NGB: variants seen among roughly 807,000 people sequenced by gnomAD.
NGB encodes the protein nitrite reductase.
A neutral mutation model predicts 17.3 loss-of-function variants in NGB; 12 were observed. The observed-to-expected ratio is 0.69, with a 90% CI of 0.45 to 1.13. The LOEUF is 1.13. NGB is among the 50% of genes most tolerant of loss of function. The pLI is 0.00. For synonymous variants in NGB, 87 were observed against 81.0 expected (o/e 1.07, Z -0.40); for missense variants, 195 against 191.7 (o/e 1.02, Z -0.10).
At position 77,266,238 on chromosome 14, in the gene NGB, C is replaced by A. The variant is rs774008120; in HGVS notation, c.*298G>T. The A allele has an allele frequency of 3.3e-6, 2 of 615,374 alleles. No homozygotes were observed. Among genetic ancestry groups the A allele is most frequent in the East Asian group, 7.9e-5 (2 of 25,206 alleles). The allele number at this position is 615,374 out of a possible 1,614,324, so 38.1% of individuals were successfully genotyped here. Reference sequence around the variant, plus strand: ...TCCATACCTTTCCAGCTCATCCCACCTCTGCCACCAAAACACTCATCGCGG... The same window carrying A: ...TCCATACCTTTCCAGCTCATCCCACATCTGCCACCAAAACACTCATCGCGG... On this transcript the variant is annotated 3_prime_UTR_variant, in exon 4 of 4. Coordinates refer to ENST00000298352, the MANE Select transcript of NGB (RefSeq NM_021257.4).
rs1889671022 is a variant in NGB at position 77,266,447 on chromosome 14, T to C, written c.*89A>G. 2 of 1,548,592 alleles carry C rather than the reference T, an allele frequency of 1.3e-6. No homozygotes were observed. Among genetic ancestry groups the C allele is most frequent in the East Asian group, 2.3e-5 (1 of 44,280 alleles). On this transcript the variant is annotated 3_prime_UTR_variant, in exon 4 of 4. Coordinates refer to ENST00000298352, the MANE Select transcript of NGB (RefSeq NM_021257.4). ...GTGGCCAAGGGGACAAGGACCAAGA[T>C]GCAGGGAAGCTTGGGGAGCCTGGGC... is the stretch of plus-strand genomic sequence containing the variant.
At chr14:77,270,353 T>C (rs1889754264) in intron 1 of NGB, among the ~76,000 whole-genome samples, 1 of 151,884 alleles carries the variant, frequency 6.6e-6, no homozygotes, top group South Asian at 2.1e-4. Context: ...AAGGTTTGTC[T>C]TGTTGGTTGT....
chr14:77,270,616 G>C (rs1454568714), intron 1 of NGB, among the ~76,000 whole-genome samples: 1 of 152,208 alleles, frequency 6.6e-6, no homozygotes, highest in Non-Finnish European at 1.5e-5. Flanking sequence ...GGTGAGCCCC[G>C]CTGGGAGAGT....
chr14:77,268,381 G>C (rs112373626), intron 3 of NGB, 85 bp downstream of exon 3: 44 of 1,436,966 alleles, frequency 3.1e-5, no homozygotes, highest in African/African-American at 2.0e-4. Flanking sequence ...GAATGGGAGA[G>C]AGAACAGGTG....
Position 77,266,602 on chromosome 14 carries a change from C to T in NGB, c.390G>A (p.Arg130=), listed in dbSNP as rs2140141881. The T allele has an allele frequency of 6.2e-7, 1 of 1,614,196 alleles. No individual in the cohort carries two copies. Among genetic ancestry groups the T allele is most frequent in the Non-Finnish European group, 8.5e-7 (1 of 1,180,044 alleles). ...CCCCGTAGAGTTGGCTCCAGGCAGC[C>T]CGTGTGGCTGGTGTGAAGGCAGGGC... ...CLGPAFTPAT[R]AAWSQLYGAV... The change falls in exon 4 of 4, where the codon CGG becomes CGA. Residue 130 remains arginine, a synonymous_variant. Transcript: ENST00000298352.
chr14:77,270,181 G>C (rs965209498), intron 1 of NGB, among the ~76,000 whole-genome samples: 1 of 152,110 alleles, frequency 6.6e-6, no homozygotes, highest in African/African-American at 2.4e-5. Flanking sequence ...GGGAAGCAGT[G>C]CCCGGTTGGT....
In NGB at chr14:77,271,062, GC is replaced by G. The variant is rs918843304; in HGVS notation, c.-126del. On this transcript the variant is annotated 5_prime_UTR_variant, in exon 1 of 4. Coordinates refer to ENST00000298352, the MANE Select transcript of NGB (RefSeq NM_021257.4). Reference sequence around the variant, plus strand: ...CCCCTCGTACGCCCCCCGTGCCTCCGCCCGGCGGGGGCCGCAGCCGCTCCTT... The same window carrying G: ...CCCCTCGTACGCCCCCCGTGCCTCCGCCGGCGGGGGCCGCAGCCGCTCCTT... 4.5e-6 allele frequency: 3 copies of G among 660,180 alleles called. No homozygotes were observed. The highest frequency in any genetic ancestry group is 6.8e-5 in the East Asian group (2 of 29,276). The allele number at this position is 660,180 out of a possible 1,614,324, so 40.9% of individuals were successfully genotyped here.
In NGB at chr14:77,266,492, C is replaced by G; in HGVS notation, c.*44G>C. 1 of 1,592,774 alleles carries G rather than the reference C, an allele frequency of 6.3e-7. No homozygotes were observed. On this transcript the variant is annotated 3_prime_UTR_variant, in exon 4 of 4. Coordinates refer to ENST00000298352, the MANE Select transcript of NGB (RefSeq NM_021257.4). ...CTGGGCTACAACAGATACAGGCCAA[C>G]AGACAGACACAGATGGATGGGGGCT... is the stretch of plus-strand genomic sequence containing the variant.
In NGB at chr14:77,270,265, C is replaced by A. The variant is rs779212873; in HGVS notation, c.89+584G>T. On this transcript the variant is annotated intron_variant, in intron 1 of 3. Transcript: ENST00000298352. Reference sequence around the variant, plus strand: ...TTCCCTTCCCACCCGGCCTGCACACCCCCCACCCCTCTCCCCTGCGGTGAG... The same window carrying A: ...TTCCCTTCCCACCCGGCCTGCACACACCCCACCCCTCTCCCCTGCGGTGAG... Among the ~76,000 whole-genome samples, 116 of 152,058 alleles carry A rather than the reference C, an allele frequency of 7.6e-4. 1 individual carries two copies. Among genetic ancestry groups the A allele is most frequent in the Non-Finnish European group, 1.4e-3 (95 of 68,002 alleles).
Position 77,266,417 on chromosome 14 carries a change from C to T in NGB, c.*119G>A. On this transcript the variant is annotated 3_prime_UTR_variant, in exon 4 of 4. Coordinates refer to ENST00000298352, the MANE Select transcript of NGB (RefSeq NM_021257.4). ...GACCCAGCCCTGCCCCATCACCTCT[C>T]CAGTGTGGCCAAGGGGACAAGGACC... 1 of 1,377,646 alleles carries T rather than the reference C, an allele frequency of 7.3e-7. No homozygotes were observed. Among genetic ancestry groups the T allele is most frequent in the Non-Finnish European group, 1.0e-6 (1 of 976,464 alleles). 85.3% of individuals were successfully genotyped at this position (1,377,646 alleles called of 1,614,324 possible).
intron 1 of NGB, 105 bp downstream of exon 1, chr14:77,270,744 C>CA (rs1889762962): frequency 3.5e-5 from 37 of 1,055,788 alleles, no homozygotes; most frequent in Non-Finnish European, 5.1e-5. Context: ...CCCAGCGCCC[C>CA]GGCAGCGGCC....
chr14:77,270,907 G>T lies in NGB; in HGVS notation c.31C>A (p.Gln11Lys), dbSNP rs762200098. 3 of 1,578,536 alleles carry T rather than the reference G, an allele frequency of 1.9e-6. No individual in the cohort carries two copies. In the African/African-American group the frequency reaches 4.1e-5, roughly 21 times the overall value. Reference sequence around the variant, plus strand: ...CTGCGGCTCACTGCCCGCCAGCTCTGCCGGATCAGCTCGGGCTCCGGGCGC... The same window carrying T: ...CTGCGGCTCACTGCCCGCCAGCTCTTCCGGATCAGCTCGGGCTCCGGGCGC... MERPEPELIR[Q>K]SWRAVSRSPL... Residue 11 changes from glutamine to lysine, a missense_variant, in exon 1 of 4, where the codon CAG becomes AAG. By Grantham distance (53) the Gln-to-Lys change is moderately conservative (BLOSUM62 1). Transcript: ENST00000298352.
At position 77,269,320 on chromosome 14, in the gene NGB, A is replaced by G. The variant is rs1434699155; in HGVS notation, c.96T>C (p.Phe32=). The G allele has an allele frequency of 6.5e-7, 1 of 1,549,568 alleles. No individual in the cohort carries two copies. Among genetic ancestry groups the G allele is most frequent in the Admixed American group, 2.0e-5 (1 of 50,990 alleles). The change falls in exon 2 of 4, where the codon TTT becomes TTC. Residue 32 remains phenylalanine (F), a synonymous_variant. Coordinates refer to ENST00000298352, the MANE Select transcript of NGB (RefSeq NM_021257.4). The part of the protein sequence containing the change: ...EHGTVLFARL[F]ALEPDLLPLF... ...GGGGCAGCAGGTCAGGCTCCAGGGC[A>G]AACAGCCTGTGGGAGTGAGGCCCAG...
intron 1 of NGB, 139 bp from the exon 2 acceptor site, chr14:77,269,465 C>A: frequency 1.7e-6 from 1 of 600,404 alleles, no homozygotes; most frequent in Non-Finnish European, 3.1e-6. Context: ...TCCCACCTGG[C>A]ACTGCTCCCC....
Position 77,268,685 on chromosome 14 carries a change from A to G in NGB, c.202-100T>C, listed in dbSNP as rs552712579. The stretch of plus-strand genomic sequence containing the variant: ...TGAGGGTCCCAAAGCAAGAGAGGCC[A>G]GTAGGACCCTCAGTTCTCCAAGATC... On this transcript the variant is annotated intron_variant, in intron 2 of 3. Coordinates refer to ENST00000298352, the MANE Select transcript of NGB (RefSeq NM_021257.4). The G allele has an allele frequency of 1.3e-5, 19 of 1,490,278 alleles. No homozygotes were observed. In the African/African-American group the frequency reaches 1.9e-4, roughly 15 times the overall value. The allele number at this position is 1,490,278 out of a possible 1,614,324, so 92.3% of individuals were successfully genotyped here.
chr14:77,271,146 TG>T lies in NGB; in HGVS notation c.-210del. 4.4e-6 allele frequency: 2 copies of T among 450,904 alleles called. No individual in the cohort carries two copies. Among genetic ancestry groups the T allele is most frequent in the African/African-American group, 4.2e-5 (2 of 48,178 alleles). The allele number at this position is 450,904 out of a possible 1,614,324, so 27.9% of individuals were successfully genotyped here. ...GTCGTAGGTGGAGACACCCCAGCTG[TG>T]CTTCCGGGGACCCCGCTTGGCCGCT... On this transcript the variant is annotated 5_prime_UTR_variant, in exon 1 of 4. Coordinates refer to ENST00000298352, the MANE Select transcript of NGB (RefSeq NM_021257.4).
rs1221079329 is a variant in NGB, at chr14:77,270,448, G to C, written c.89+401C>G. The stretch of plus-strand genomic sequence containing the variant: ...ACATCTCCCTTCCCCGGCTCTCGGG[G>C]CACCCCAGTACCCTGATACCGGCAG... On this transcript the variant is annotated intron_variant, in intron 1 of 3. Transcript: ENST00000298352. 2.0e-5 allele frequency among the ~76,000 whole-genome samples: 3 copies of C among 152,224 alleles called. No homozygotes were observed. The East Asian group carries it at 5.8e-4, about 29-fold the overall frequency.
At position 77,265,938 on chromosome 14, in the gene NGB, C is replaced by T. The variant is rs375914221; in HGVS notation, c.*598G>A. The T allele has an allele frequency of 1.2e-5, 3 of 249,122 alleles. No individual in the cohort carries two copies. Among genetic ancestry groups the T allele is most frequent in the East Asian group, 8.4e-5 (1 of 11,908 alleles). 15.4% of individuals were successfully genotyped at this position (249,122 alleles called of 1,614,324 possible). A position where few individuals can be genotyped will look rare whatever the true frequency, so the allele number is the denominator to read the frequency against. ...CGACTCTGTCAGGGCATCTGCACAG[C>T]CCGCGAGACTCAAATGAGACCCATT... On this transcript the variant is annotated 3_prime_UTR_variant, in exon 4 of 4. Transcript: ENST00000298352. This position sits in a 1 kb window ranked among gnomAD's most constrained non-coding sequence, Gnocchi z 4.7.
rs2140141509 is a variant in NGB, at chr14:77,266,108, G to A, written c.*428C>T. The A allele has an allele frequency of 2.1e-6, 1 of 466,716 alleles. No individual in the cohort carries two copies. 28.9% of individuals were successfully genotyped at this position (466,716 alleles called of 1,614,324 possible). A position where few individuals can be genotyped will look rare whatever the true frequency, so the allele number is the denominator to read the frequency against. ...GGCAGGAAAGCAGTGAAGGGACTGG[G>A]CAGGCAGGACAGAAGGCGCTGGAAG... On this transcript the variant is annotated 3_prime_UTR_variant, in exon 4 of 4. Coordinates refer to ENST00000298352, the MANE Select transcript of NGB (RefSeq NM_021257.4).
Sources: allele counts gnomAD v4.1 joint callset (sites outside exome capture counted in the v4.1 genomes callset), GRCh38; gene constraint gnomAD v4.1.1; non-coding constraint Gnocchi (gnomAD v3.1); transcripts MANE v1.5; gene names NCBI Gene and HGNC (gene_info 2026-07-23, HGNC 2026-07-21).